ARL15: variants seen among roughly 807,000 people sequenced by gnomAD.
ARL15 encodes the protein ARF like GTPase 15.
Under a neutral mutation model 25.2 loss-of-function variants are expected in ARL15, and 19 were observed. The ratio of observed to expected loss-of-function variants is 0.75; its 90% CI spans 0.53 to 1.10. ARL15 has a LOEUF of 1.10. ARL15 is among the 50% of genes least tolerant of loss of function. The pLI is 0.00. For synonymous variants in ARL15, 94 were observed against 86.8 expected (o/e 1.08, Z -0.46); for missense variants, 220 against 246.0 (o/e 0.89, Z 0.71).
intron 4 of ARL15, among the ~76,000 whole-genome samples, chr5:54,075,091 A>AAAAAAAAAAAAAAC (rs1751554679): frequency 6.6e-6 from 1 of 150,614 alleles, no homozygotes; most frequent in African/African-American, 2.4e-5. Flanking sequence ...AAAAAAAAAA[A>AAAAAAAAAAAAAAC]AGTCCTGGCC....
chr5:53,950,009 C>T (rs1186785410), intron 4 of ARL15, among the ~76,000 whole-genome samples: 1 of 151,780 alleles, frequency 6.6e-6, no homozygotes, highest in South Asian at 2.1e-4. Flanking sequence ...AAATGTTAAG[C>T]GATGCAGAAA....
chr5:54,193,932 G>C (rs1225759729), intron 1 of ARL15, among the ~76,000 whole-genome samples: 1 of 151,914 alleles, frequency 6.6e-6, no homozygotes, highest in Non-Finnish European at 1.5e-5. Context: ...TTGGGGGCTA[G>C]GATGATATTA....
At chr5:54,291,696 C>T (rs1351345852) in intron 1 of ARL15, among the ~76,000 whole-genome samples, 1 of 152,170 alleles carries the variant, frequency 6.6e-6, no homozygotes, top group Admixed American at 6.5e-5. Flanking sequence ...GATGAGTCTC[C>T]TGAACAGGCC....
intron 4 of ARL15, among the ~76,000 whole-genome samples, chr5:54,059,030 T>C (rs532505610): frequency 1.1e-4 from 16 of 152,346 alleles, no homozygotes; most frequent in African/African-American, 3.4e-4. Context: ...ATGTTCCCTT[T>C]TTAAACTGCA....
chr5:54,267,766 T>C, intron 1 of ARL15, among the ~76,000 whole-genome samples: 1 of 152,184 alleles, frequency 6.6e-6, no homozygotes, highest in Non-Finnish European at 1.5e-5. Flanking sequence ...GGTTGAAAAT[T>C]CTTTTCTTTA....
At chr5:53,928,886 G>A (rs1746114734) in intron 4 of ARL15, among the ~76,000 whole-genome samples, 1 of 152,140 alleles carries the variant, frequency 6.6e-6, no homozygotes, top group South Asian at 2.1e-4. Context: ...ATTTCCTACT[G>A]TGAAAATGGT....
chr5:54,264,578 ACCTCATCT>A (rs1488062786), intron 1 of ARL15, among the ~76,000 whole-genome samples: 1 of 151,744 alleles, frequency 6.6e-6, no homozygotes, highest in Non-Finnish European at 1.5e-5. Flanking sequence ...TTATTTCCTA[ACCTCATCT>A]CCTCTATTCT....
chr5:54,026,789 G>C lies in ARL15; in HGVS notation c.462+86413C>G, dbSNP rs1487521648. On this transcript the variant is annotated intron_variant, in intron 4 of 4. Coordinates refer to ENST00000504924, the MANE Select transcript of ARL15 (RefSeq NM_019087.3). Reference sequence around the variant, plus strand: ...CTGTTCCTGAAGAACAACATGGAGAGACACCAATGAATAAGCCACATTACA... The same window carrying C: ...CTGTTCCTGAAGAACAACATGGAGACACACCAATGAATAAGCCACATTACA... Among the ~76,000 whole-genome samples, 4 of 152,118 alleles carry C rather than the reference G, an allele frequency of 2.6e-5. No individual in the cohort carries two copies. The South Asian group carries it at 6.2e-4, about 24-fold the overall frequency.
chr5:53,913,498 C>T (rs968643453), intron 4 of ARL15, among the ~76,000 whole-genome samples: 6 of 152,150 alleles, frequency 3.9e-5, no homozygotes, highest in African/African-American at 1.2e-4. Context: ...TGGACTGAAG[C>T]CGAAACTACC....
chr5:54,275,851 A>T (rs1757914996), intron 1 of ARL15, among the ~76,000 whole-genome samples: 2 of 136,916 alleles, frequency 1.5e-5, no homozygotes, highest in African/African-American at 2.7e-5. Context: ...CGCCTGGCTA[A>T]TTTTTTTTTT....
intron 4 of ARL15, among the ~76,000 whole-genome samples, chr5:54,009,823 A>G (rs1749173491): frequency 6.6e-6 from 1 of 152,192 alleles, no homozygotes; most frequent in Non-Finnish European, 1.5e-5. Context: ...AGTAGGGAAC[A>G]TCTCCAAAAC....
At chr5:54,237,798 A>T (rs1174800915) in intron 1 of ARL15, among the ~76,000 whole-genome samples, 2 of 152,190 alleles carry the variant, frequency 1.3e-5, no homozygotes, top group Admixed American at 1.3e-4. Context: ...TTAGCCAAAA[A>T]TGATCACTGT....
intron 1 of ARL15, among the ~76,000 whole-genome samples, chr5:54,216,310 T>C (rs1420351720): frequency 6.6e-6 from 1 of 152,174 alleles, no homozygotes; most frequent in African/African-American, 2.4e-5. Context: ...CTCACCACCC[T>C]GTGATCCAAA....
At chr5:54,002,228 C>G (rs1440160077) in intron 4 of ARL15, among the ~76,000 whole-genome samples, 1 of 152,070 alleles carries the variant, frequency 6.6e-6, no homozygotes, top group Non-Finnish European at 1.5e-5. Context: ...TAAAGCAAAG[C>G]CAATTTAATA....
In ARL15 at chr5:54,033,466, G is replaced by A. The variant is rs28459518; in HGVS notation, c.462+79736C>T. On this transcript the variant is annotated intron_variant, in intron 4 of 4. Coordinates refer to ENST00000504924, the MANE Select transcript of ARL15 (RefSeq NM_019087.3). Reference sequence around the variant, plus strand: ...GGGTGGATCATGAGGTCAAGAGTTCGAGACCAGCCTGACCAACATGGTGAA... The same window carrying A: ...GGGTGGATCATGAGGTCAAGAGTTCAAGACCAGCCTGACCAACATGGTGAA... Among the ~76,000 whole-genome samples, 528 of 152,022 alleles carry A rather than the reference G, an allele frequency of 3.5e-3. 17 individuals are homozygous for A. The East Asian group carries it at 0.085, about 25-fold the overall frequency.
intron 1 of ARL15, among the ~76,000 whole-genome samples, chr5:54,259,391 C>A (rs550208469): frequency 6.6e-6 from 1 of 152,268 alleles, no homozygotes; most frequent in Admixed American, 6.5e-5. Flanking sequence ...CTACAAATCA[C>A]CCCTAAATCA....
At chr5:53,888,151 T>A (rs73108999) in intron 4 of ARL15, among the ~76,000 whole-genome samples, 183 of 152,210 alleles carry the variant, frequency 1.2e-3, no homozygotes, top group African/African-American at 4.4e-3. Flanking sequence ...AATGAACACC[T>A]CACTTGCAGA....
intron 2 of ARL15, among the ~76,000 whole-genome samples, chr5:54,159,957 G>A (rs1410935251): frequency 6.6e-6 from 1 of 152,224 alleles, no homozygotes; most frequent in Non-Finnish European, 1.5e-5. Flanking sequence ...GAACACACAA[G>A]TATTTCACTT....
chr5:53,889,104 G>A (rs901701396), intron 4 of ARL15, among the ~76,000 whole-genome samples: 2 of 151,610 alleles, frequency 1.3e-5, no homozygotes, highest in African/African-American at 4.9e-5. Context: ...CTGAGAAGAG[G>A]GCTGGTCACA....
Sources: gnomAD v4.1 joint callset for allele counts (sites outside exome capture counted in the v4.1 genomes callset) on GRCh38, gnomAD v4.1.1 for gene constraint, MANE v1.5 for transcripts, NCBI Gene and HGNC (gene_info 2026-07-23, HGNC 2026-07-21) for gene names.